The following DPYSL5 variants were observed in gnomAD, a reference collection of about 807,000 sequenced individuals.
The protein encoded by DPYSL5 is dihydropyrimidinase-related protein 5.
A neutral mutation model predicts 58.4 loss-of-function variants in DPYSL5; 9 were observed. The observed-to-expected ratio is 0.15, with a 90% CI of 0.09 to 0.27. The LOEUF (loss-of-function observed/expected upper bound fraction) is 0.27, where lower values mean the gene tolerates loss of function less well. Among genes scored for constraint, DPYSL5 ranks in the 10% least tolerant of loss-of-function variants. DPYSL5 has a pLI of 1.00. For synonymous variants in DPYSL5, 293 were observed against 301.9 expected, an observed-to-expected ratio of 0.97 and a Z score of 0.31; for missense variants, 499 against 770.6, an observed-to-expected ratio of 0.65 and a Z score of 4.17.
intron 6 of DPYSL5, among the ~76,000 whole-genome samples, chr2:26,932,333 C>A (rs1665055897): frequency 6.6e-6 from 1 of 152,172 alleles, no homozygotes; most frequent in African/African-American, 2.4e-5. Flanking sequence ...CGCTGTCATG[C>A]CCACCATCCT....
Position 26,925,050 on chromosome 2 carries a change from C to A in DPYSL5, c.420+5C>A. On this transcript the variant is annotated splice_donor_5th_base_variant and intron_variant, in intron 3 of 12. Transcript: ENST00000288699. The surrounding 1 kb of genome is among the most constrained non-coding windows in gnomAD (Gnocchi z 4.5). The stretch of plus-strand genomic sequence containing the variant: ...ATCACCTGGTGGGCACCCAAGGTAA[C>A]AGTGCTGGTGGGATCCCAGAAGAAG... The A allele has an allele frequency of 6.2e-7, 1 of 1,613,690 alleles. No homozygotes were observed. The highest frequency in any genetic ancestry group is 8.5e-7 in the Non-Finnish European group (1 of 1,179,796).
chr2:26,895,672 T>C (rs1181908757), intron 1 of DPYSL5, among the ~76,000 whole-genome samples: 1 of 152,112 alleles, frequency 6.6e-6, no homozygotes, highest in Admixed American at 6.6e-5. Flanking sequence ...CTTAAACTTA[T>C]TTAACTGAAA....
chr2:26,867,342 T>C (rs1666168461), intron 1 of DPYSL5, among the ~76,000 whole-genome samples: 1 of 152,084 alleles, frequency 6.6e-6, no homozygotes, highest in Non-Finnish European at 1.5e-5. Context: ...CCAACTGATA[T>C]AAATCTTTTT....
At chr2:26,890,340 C>A (rs915064286) in intron 1 of DPYSL5, among the ~76,000 whole-genome samples, 1 of 152,198 alleles carries the variant, frequency 6.6e-6, no homozygotes, top group Admixed American at 6.5e-5. Flanking sequence ...TTAGTGCACA[C>A]AAATGTCCTA....
At chr2:26,923,395 C>A (rs1229185413) in intron 2 of DPYSL5, among the ~76,000 whole-genome samples, 2 of 152,226 alleles carry the variant, frequency 1.3e-5, no homozygotes, top group African/African-American at 4.8e-5. Flanking sequence ...ACTTTTACCA[C>A]ATCTGTTCCA....
At chr2:26,922,625 A>G (rs1371901094) in intron 2 of DPYSL5, among the ~76,000 whole-genome samples, 1 of 152,190 alleles carries the variant, frequency 6.6e-6, no homozygotes, top group East Asian at 1.9e-4. Context: ...GTGGGAGTGC[A>G]AAGGAAAGCA....
At chr2:26,908,481 A>G (rs1572700623) in intron 2 of DPYSL5, among the ~76,000 whole-genome samples, 1 of 152,226 alleles carries the variant, frequency 6.6e-6, no homozygotes, top group African/African-American at 2.4e-5. Context: ...CTACGTGTAC[A>G]TTAATTGGTA....
At chr2:26,926,318 C>T (rs1430451397) in intron 3 of DPYSL5, among the ~76,000 whole-genome samples, 2 of 152,136 alleles carry the variant, frequency 1.3e-5, no homozygotes, top group Non-Finnish European at 2.9e-5. Flanking sequence ...TTTGGACACT[C>T]TCCTGGGTGA....
At position 26,849,614 on chromosome 2, in the gene DPYSL5, C is replaced by T. The variant is rs1355416977; in HGVS notation, c.-5+1360C>T. Among the ~76,000 whole-genome samples, 1 of 152,252 alleles carries T rather than the reference C, an allele frequency of 6.6e-6. No homozygotes were observed. The highest frequency in any genetic ancestry group is 2.4e-5 in the African/African-American group (1 of 41,472). On this transcript the variant is annotated intron_variant, in intron 1 of 12. Transcript: ENST00000288699. This position sits in a 1 kb window ranked among gnomAD's most constrained non-coding sequence, Gnocchi z 6.2. ...TTTCTCGAGGAGCTGAAAGGCTTTG[C>T]CCAGCAGCAGGTGCTGCCAGGGAGG...
chr2:26,904,613 C>A (rs543726692), intron 2 of DPYSL5, among the ~76,000 whole-genome samples: 1 of 152,228 alleles, frequency 6.6e-6, no homozygotes, highest in African/African-American at 2.4e-5. Context: ...AGAGAGGATG[C>A]ATGAACGTGC....
Position 26,944,411 on chromosome 2 carries a change from CAT to C in DPYSL5, c.1441-244_1441-243del, listed in dbSNP as rs111456714. ...TCCCATACACATGCATGCACACACA[CAT>C]GTGCACTCACATACATGCACGCATG... On this transcript the variant is annotated intron_variant, in intron 11 of 12. Transcript: ENST00000288699. This position sits in a 1 kb window ranked among gnomAD's most constrained non-coding sequence, Gnocchi z 4.4. Among the ~76,000 whole-genome samples, 3 of 152,350 alleles carry C rather than the reference CAT, an allele frequency of 2.0e-5. No individual in the cohort carries two copies. Among genetic ancestry groups the C allele is most frequent in the African/African-American group, 7.2e-5 (3 of 41,576 alleles).
In DPYSL5 at chr2:26,928,300, A is replaced by C. The variant is rs1332583601; in HGVS notation, c.646A>C (p.Ile216Leu). Reference protein sequence around the residue: ...LDLGITGPEGIEISRPEELEA... With the variant: ...LDLGITGPEGLEISRPEELEA... Reference sequence around the variant, plus strand: ...TTTGGGGATCACAGGCCCAGAAGGAATCGAGATCAGCCGTCCAGAGGAGGT... The same window carrying C: ...TTTGGGGATCACAGGCCCAGAAGGACTCGAGATCAGCCGTCCAGAGGAGGT... Residue 216 changes from isoleucine (I) to leucine (L), a missense_variant, in exon 5 of 13, where the codon ATC becomes CTC. Physicochemically the swap from Ile to Leu is conservative, Grantham distance 5 (BLOSUM62 2). Coordinates refer to ENST00000288699, the MANE Select transcript of DPYSL5 (RefSeq NM_020134.4). The C allele has an allele frequency of 1.2e-6, 2 of 1,613,896 alleles. No individual in the cohort carries two copies. The highest frequency in any genetic ancestry group is 1.6e-4 in the Middle Eastern group (1 of 6,062).
chr2:26,901,318 C>T (rs994818390), intron 2 of DPYSL5, among the ~76,000 whole-genome samples: 1 of 152,090 alleles, frequency 6.6e-6, no homozygotes, highest in African/African-American at 2.4e-5. Context: ...AAGCCTCTGT[C>T]GTGGTGGCCT....
intron 1 of DPYSL5, among the ~76,000 whole-genome samples, chr2:26,891,680 CT>C (rs775000670): frequency 1.6e-4 from 23 of 147,660 alleles, no homozygotes; most frequent in South Asian, 4.3e-4. Context: ...AAATAAATAA[CT>C]TTTTTTTTTT....
rs67138052 is a variant in DPYSL5 at position 26,948,073 on chromosome 2, C to CCACACACACACA, written c.*1104_*1115dup. On this transcript the variant is annotated 3_prime_UTR_variant, in exon 13 of 13. Transcript: ENST00000288699. The stretch of plus-strand genomic sequence containing the variant: ...TGCCTTCCCCTGTCTTCACCTGCCA[C>CCACACACACACA]CACACACACACACACACACACACAC... 7 of 143,548 alleles carry CCACACACACACA rather than the reference C, an allele frequency of 4.9e-5. No individual in the cohort carries two copies. Among genetic ancestry groups the CCACACACACACA allele is most frequent in the African/African-American group, 8.0e-5 (3 of 37,270 alleles). 8.9% of individuals were successfully genotyped at this position (143,548 alleles called of 1,614,324 possible).
chr2:26,942,212 C>T lies in DPYSL5; in HGVS notation c.1232+120C>T. 4.8e-6 allele frequency: 7 copies of T among 1,450,852 alleles called. No homozygotes were observed. The highest frequency in any genetic ancestry group is 2.1e-4 in the Middle Eastern group (1 of 4,694). The allele number at this position is 1,450,852 out of a possible 1,614,324, so 89.9% of individuals were successfully genotyped here. On this transcript the variant is annotated intron_variant, in intron 10 of 12. Coordinates refer to ENST00000288699, the MANE Select transcript of DPYSL5 (RefSeq NM_020134.4). This position sits in a 1 kb window ranked among gnomAD's most constrained non-coding sequence, Gnocchi z 5.9. ...TTTCTAGCACAAAATATGGCCCTGG[C>T]CTACCGTTGGCCATCTTCTCCCTCC... is the stretch of plus-strand genomic sequence containing the variant.
intron 2 of DPYSL5, among the ~76,000 whole-genome samples, chr2:26,919,765 TGCAATTC>T: frequency 6.6e-6 from 1 of 152,246 alleles, no homozygotes; most frequent in African/African-American, 2.4e-5. Flanking sequence ...TCTACAAAGC[TGCAATTC>T]TGCTTCCTGG....
At chr2:26,912,417 T>G (rs556325727) in intron 2 of DPYSL5, among the ~76,000 whole-genome samples, 1 of 152,216 alleles carries the variant, frequency 6.6e-6, no homozygotes, top group South Asian at 2.1e-4. Context: ...GAAAGCGGAG[T>G]TACATGTGTC....
intron 9 of DPYSL5, among the ~76,000 whole-genome samples, chr2:26,940,528 A>G (rs1449666492): frequency 1.6e-5 from 2 of 125,306 alleles, no homozygotes; most frequent in African/African-American, 3.1e-5. Context: ...CTTTTTTACT[A>G]TGTTGTCCAG....
Sources: gnomAD v4.1 joint callset for allele counts (sites outside exome capture counted in the v4.1 genomes callset) on GRCh38, gnomAD v4.1.1 for gene constraint, Gnocchi (gnomAD v3.1) non-coding constraint, MANE v1.5 for transcripts, NCBI Gene and HGNC (gene_info 2026-07-23, HGNC 2026-07-21) for gene names.